The following GAN variants were observed in gnomAD, a reference collection of about 807,000 sequenced individuals.
GAN encodes gigaxonin.
Under a neutral mutation model 71.3 loss-of-function variants are expected in GAN, and 48 were observed. The ratio of observed to expected loss-of-function variants is 0.67; its 90% CI spans 0.53 to 0.86. The LOEUF is 0.86. GAN is among the 40% of genes least tolerant of loss of function. The pLI is 0.00. For missense variants in GAN, 928 were observed against 770.1 expected, an observed-to-expected ratio of 1.21 and a Z score of -2.43; for synonymous variants, 386 against 276.8, an observed-to-expected ratio of 1.39 and a Z score of -3.92.
intron 1 of GAN, among the ~76,000 whole-genome samples, chr16:81,343,925 G>A (rs146084085): frequency 1.8e-3 from 278 of 152,238 alleles, no homozygotes; most frequent in African/African-American, 6.5e-3. Context: ...CAAAGTCTCA[G>A]GATAGAAAAT....
rs1284987769 is a variant in GAN at position 81,315,009 on chromosome 16, G to A, written c.-105G>A. 1.0e-6 allele frequency: 1 copy of A among 987,700 alleles called. No individual in the cohort carries two copies. The allele number at this position is 987,700 out of a possible 1,614,324, so 61.2% of individuals were successfully genotyped here. On this transcript the variant is annotated 5_prime_UTR_variant, in exon 1 of 11. Transcript: ENST00000648994. ...GGGCTCCAGCTTCTGCTCAGAGCGC[G>A]GAGAGCCGGGCCGGGCGGGCGCGCG...
intron 2 of GAN, among the ~76,000 whole-genome samples, chr16:81,352,403 C>G (rs1433695454): frequency 1.3e-5 from 2 of 152,166 alleles, no homozygotes; most frequent in East Asian, 3.9e-4. Flanking sequence ...CATGAGGACT[C>G]AAGAAAAATC....
rs761144583 is a variant in GAN, at chr16:81,365,066, C to G, written c.1329C>G (p.Pro443=). 2 of 1,613,870 alleles carry G rather than the reference C, an allele frequency of 1.2e-6. No homozygotes were observed. Among genetic ancestry groups the G allele is most frequent in the Non-Finnish European group, 1.7e-6 (2 of 1,179,802 alleles). ...KLFESVECYD[P]RTQQWTAICP... ...TTGAGTCTGTAGAGTGTTATGATCC[C>G]AGGACCCAGCAGTGGACTGCCATAT... The change falls in exon 8 of 11, where the codon CCC becomes CCG. Residue 443 remains proline (P), a synonymous_variant. Transcript: ENST00000648994.
At chr16:81,348,063 G>T (rs1910179194) in intron 1 of GAN, among the ~76,000 whole-genome samples, 1 of 152,086 alleles carries the variant, frequency 6.6e-6, no homozygotes, top group Non-Finnish European at 1.5e-5. Context: ...GTGTTGCCCA[G>T]TCTGGTCTTG....
At chr16:81,368,990 CT>C (rs1406267015) in intron 9 of GAN, among the ~76,000 whole-genome samples, 1 of 152,170 alleles carries the variant, frequency 6.6e-6, no homozygotes, top group Admixed American at 6.5e-5. Flanking sequence ...AAGTTTCACC[CT>C]TTTTTAGTAT....
intron 9 of GAN, among the ~76,000 whole-genome samples, chr16:81,372,467 C>A (rs1011276359): frequency 3.3e-5 from 5 of 151,302 alleles, no homozygotes; most frequent in East Asian, 1.9e-4. Flanking sequence ...ACATGTAAAA[C>A]CTCATGGCCT....
At chr16:81,359,569 G>C (rs1405037024) in intron 5 of GAN, among the ~76,000 whole-genome samples, 3 of 152,098 alleles carry the variant, frequency 2.0e-5, no homozygotes. Flanking sequence ...TCCAAAGTTA[G>C]TCAGTACCTG....
chr16:81,334,651 C>G lies in GAN; in HGVS notation c.168-16932C>G, dbSNP rs778717612. 1.6e-4 allele frequency among the ~76,000 whole-genome samples: 25 copies of G among 152,172 alleles called. 1 individual carries two copies. The highest frequency in any genetic ancestry group is 1.4e-3 in the Admixed American group (22 of 15,274). The stretch of plus-strand genomic sequence containing the variant: ...AACATTTGAGCATTGAATTGAACTG[C>G]TGAGTGTCCAGCACACCCTGGGGCC... On this transcript the variant is annotated intron_variant, in intron 1 of 10. Coordinates refer to ENST00000648994, the MANE Select transcript of GAN (RefSeq NM_022041.4).
chr16:81,327,049 CAG>C (rs1409940359), intron 1 of GAN, among the ~76,000 whole-genome samples: 1 of 152,182 alleles, frequency 6.6e-6, no homozygotes, highest in African/African-American at 2.4e-5. Context: ...CATTTTGCAA[CAG>C]AGTTTAGAGT....
chr16:81,349,457 A>C (rs1169971320), intron 1 of GAN, among the ~76,000 whole-genome samples: 1 of 152,094 alleles, frequency 6.6e-6, no homozygotes, highest in African/African-American at 2.4e-5. Context: ...CAGCCCGGGC[A>C]AGATGGTGAA....
At position 81,322,349 on chromosome 16, in the gene GAN, G is replaced by C. The variant is rs527360826; in HGVS notation, c.167+7069G>C. Among the ~76,000 whole-genome samples the C allele has an allele frequency of 2.6e-5, 4 of 152,338 alleles. No homozygotes were observed. In the South Asian group the frequency reaches 6.2e-4, roughly 24 times the overall value. On this transcript the variant is annotated intron_variant, in intron 1 of 10. Coordinates refer to ENST00000648994, the MANE Select transcript of GAN (RefSeq NM_022041.4). Reference sequence around the variant, plus strand: ...CATGCAGAGGAGATAAGACATCTCAGCAGCGGCTAGGTACTAGCAAGATGG... The same window carrying C: ...CATGCAGAGGAGATAAGACATCTCACCAGCGGCTAGGTACTAGCAAGATGG...
Position 81,377,684 on chromosome 16 carries a change from C to T in GAN, c.*88C>T, listed in dbSNP as rs1904286690. On this transcript the variant is annotated 3_prime_UTR_variant, in exon 11 of 11. Coordinates refer to ENST00000648994, the MANE Select transcript of GAN (RefSeq NM_022041.4). The stretch of plus-strand genomic sequence containing the variant: ...GAGAGCAGAGATGGCAGCTGAAACT[C>T]ACTCTGTGCTGGGCTTTGGTATGGT... 4 of 1,161,586 alleles carry T rather than the reference C, an allele frequency of 3.4e-6. No individual in the cohort carries two copies. The highest frequency in any genetic ancestry group is 3.4e-5 in the Admixed American group (2 of 59,422). 72.0% of individuals were successfully genotyped at this position (1,161,586 alleles called of 1,614,324 possible).
At chr16:81,343,615 T>C (rs556405600) in intron 1 of GAN, among the ~76,000 whole-genome samples, 2 of 152,298 alleles carry the variant, frequency 1.3e-5, no homozygotes, top group East Asian at 1.9e-4. Flanking sequence ...GTGGAACATA[T>C]CTCAACATAA....
chr16:81,389,483 C>G lies in GAN; in HGVS notation c.*11887C>G, dbSNP rs1904501575. The G allele has an allele frequency of 6.6e-6, 1 of 152,246 alleles. No homozygotes were observed. Among genetic ancestry groups the G allele is most frequent in the African/African-American group, 2.4e-5 (1 of 41,458 alleles). The allele number at this position is 152,246 out of a possible 1,614,324, so 9.4% of individuals were successfully genotyped here. ...GCAGAGCTGACAAAAGCACCCCCTGCTCTGCCCACCTCCGCAGAGTCCTGT... is the reference window on the plus strand; with the variant it reads ...GCAGAGCTGACAAAAGCACCCCCTGGTCTGCCCACCTCCGCAGAGTCCTGT... On this transcript the variant is annotated 3_prime_UTR_variant, in exon 11 of 11. Coordinates refer to ENST00000648994, the MANE Select transcript of GAN (RefSeq NM_022041.4).
chr16:81,356,758 G>A (rs201264758), intron 3 of GAN, 27 bp from the exon 4 acceptor site: 50 of 1,461,848 alleles, frequency 3.4e-5, no homozygotes, highest in African/African-American at 5.6e-5. Flanking sequence ...CATTGTTTTC[G>A]CCCCATCTTT....
At chr16:81,363,391 G>A (rs182042083) in intron 6 of GAN, among the ~76,000 whole-genome samples, 1 of 152,176 alleles carries the variant, frequency 6.6e-6, no homozygotes, top group Non-Finnish European at 1.5e-5. Flanking sequence ...TGGAAGAGTG[G>A]GCTGTTAGGG....
intron 1 of GAN, among the ~76,000 whole-genome samples, chr16:81,325,980 A>T (rs951662370): frequency 3.9e-5 from 6 of 151,928 alleles, no homozygotes; most frequent in African/African-American, 1.2e-4. Flanking sequence ...ATAATTTCAT[A>T]TTCATCCTTC....
Position 81,347,795 on chromosome 16 carries a change from C to G in GAN, c.168-3788C>G, listed in dbSNP as rs180876088. On this transcript the variant is annotated intron_variant, in intron 1 of 10. Coordinates refer to ENST00000648994, the MANE Select transcript of GAN (RefSeq NM_022041.4). ...CTTTCCATATAGCCTATTTTTCTTT[C>G]TGAAAGCTTGTAAGACTTTTTTCTT... 3.3e-5 allele frequency among the ~76,000 whole-genome samples: 5 copies of G among 152,208 alleles called. No individual in the cohort carries two copies. The East Asian group carries it at 9.6e-4, about 29-fold the overall frequency.
intron 3 of GAN, 65 bp from the exon 4 acceptor site, chr16:81,356,720 G>T: frequency 8.9e-7 from 1 of 1,117,462 alleles, no homozygotes; most frequent in Non-Finnish European, 1.4e-6. Flanking sequence ...GGAAAATGTA[G>T]ATTCTAAAAA....
Sources: gnomAD v4.1 joint callset for allele counts (sites outside exome capture counted in the v4.1 genomes callset) on GRCh38, gnomAD v4.1.1 for gene constraint, MANE v1.5 for transcripts, NCBI Gene and HGNC (gene_info 2026-07-23, HGNC 2026-07-21) for gene names.